The following TMEM223 variants were observed in gnomAD, a reference collection of about 807,000 sequenced individuals.
TMEM223 encodes transmembrane protein 223.
TMEM223 carries 14 observed loss-of-function variants against 14.1 expected under a neutral mutation model. The ratio of observed to expected loss-of-function variants is 0.99; its 90% CI spans 0.66 to 1.55. The LOEUF is 1.55. Among genes scored for constraint, TMEM223 ranks in the 40% most tolerant of loss-of-function variants. TMEM223 has a pLI of 0.00. For missense variants in TMEM223, 346 were observed against 269.9 expected (o/e 1.28, Z -1.97); for synonymous variants, 145 against 120.5 (o/e 1.20, Z -1.33).
At chr11:62,776,780 G>A (rs571448987) in intron 1 of TMEM223, among the ~76,000 whole-genome samples, 1 of 151,520 alleles carries the variant, frequency 6.6e-6, no homozygotes, top group African/African-American at 2.4e-5. Context: ...GAACCTAGCA[G>A]GCAGAGGTTG....
Position 62,790,103 on chromosome 11 carries a change from C to A in TMEM223, c.*520G>T. On this transcript the variant is annotated 3_prime_UTR_variant, in exon 2 of 2. Coordinates refer to ENST00000307366, the MANE Select transcript of TMEM223 (RefSeq NM_001080501.3). ...GACTCCATGCCCAAGTGCCTGTAAT[C>A]CCCCCCCTCAAGGCCCTGTTTATGT... is the stretch of plus-strand genomic sequence containing the variant. 2.1e-6 allele frequency: 3 copies of A among 1,454,990 alleles called. No individual in the cohort carries two copies. The highest frequency in any genetic ancestry group is 1.8e-6 in the Non-Finnish European group (2 of 1,090,540). 90.1% of individuals were successfully genotyped at this position (1,454,990 alleles called of 1,614,324 possible). A position where few individuals can be genotyped will look rare whatever the true frequency, so the allele number is the denominator to read the frequency against.
chr11:62,790,173 T>G lies in TMEM223; in HGVS notation c.*450A>C. ...TTCGTTGGGGGGTGGGGGGGAAACA[T>G]AATGACAGGCCCCCCTCCACCTCTT... On this transcript the variant is annotated 3_prime_UTR_variant, in exon 2 of 2. Coordinates refer to ENST00000307366, the MANE Select transcript of TMEM223 (RefSeq NM_001080501.3). The G allele has an allele frequency of 2.8e-6, 3 of 1,063,518 alleles. No individual in the cohort carries two copies. Among genetic ancestry groups the G allele is most frequent in the Non-Finnish European group, 2.6e-6 (2 of 765,840 alleles). 65.9% of individuals were successfully genotyped at this position (1,063,518 alleles called of 1,614,324 possible).
Position 62,790,654 on chromosome 11 carries a change from T to G in TMEM223, c.578A>C (p.Asp193Ala), listed in dbSNP as rs1027282009. Residue 193 changes from aspartate to alanine, a missense_variant, in exon 2 of 2, where the codon GAC (aspartate) becomes GCC (alanine). Asp to Ala is a moderately radical substitution (Grantham distance 126). Coordinates refer to ENST00000307366, the MANE Select transcript of TMEM223 (RefSeq NM_001080501.3). ...GCTCCGGTAGGCACCCACAGTATTG[T>G]CAAAGAGTTTTGTGTTAGGGAAGTG... ...TGHFPNTKLF[D>A]NTVGAYRSL The G allele has an allele frequency of 1.1e-5, 18 of 1,611,974 alleles. No homozygotes were observed. Among genetic ancestry groups the G allele is most frequent in the African/African-American group, 4.0e-5 (3 of 74,908 alleles).
At chr11:62,788,919 C>A, downstream of TMEM223, 2 of 1,262,434 alleles carry the variant, frequency 1.6e-6, no homozygotes, top group Middle Eastern at 2.0e-4. Context: ...CAAATAACTT[C>A]CTGGAATGCA....
At chr11:62,781,898 C>T (rs1359239221) in intron 1 of TMEM223, 2 of 1,614,098 alleles carry the variant, frequency 1.2e-6, no homozygotes, top group African/African-American at 1.3e-5. Flanking sequence ...TTTTAGGTTG[C>T]ACTCCAGGAC....
chr11:62,778,918 C>G (rs1176354817), intron 1 of TMEM223: 1 of 1,614,116 alleles, frequency 6.2e-7, no homozygotes, highest in Non-Finnish European at 8.5e-7. Context: ...AGTACTATCA[C>G]CAGGTGACTC....
At chr11:62,783,770 T>C (rs2084248345), downstream of TMEM223, among the ~76,000 whole-genome samples, 1 of 151,732 alleles carries the variant, frequency 6.6e-6, no homozygotes, top group Non-Finnish European at 1.5e-5. Context: ...TAGCCTCAAG[T>C]GGTCTGCCTG....
At chr11:62,779,074 G>A in intron 1 of TMEM223, 1 of 870,412 alleles carries the variant, frequency 1.1e-6, no homozygotes, top group Non-Finnish European at 1.8e-6. Flanking sequence ...AGGCTGGAGT[G>A]CAATGGCATG....
At chr11:62,787,303 G>A (rs1029419959), downstream of TMEM223, 3 of 1,534,016 alleles carry the variant, frequency 2.0e-6, no homozygotes, top group African/African-American at 1.4e-5. Context: ...CTGAGTCAGT[G>A]GCCCCTTCGT....
chr11:62,789,025 C>T (rs1331437310), downstream of TMEM223: 2 of 1,610,822 alleles, frequency 1.2e-6, no homozygotes, highest in Admixed American at 3.3e-5. Flanking sequence ...CTCCACAGGG[C>T]TCCTTCAGTG....
chr11:62,783,885 T>C (rs2084249307), downstream of TMEM223, among the ~76,000 whole-genome samples: 1 of 151,348 alleles, frequency 6.6e-6, no homozygotes, highest in African/African-American at 2.4e-5. Flanking sequence ...CTAGGTGTAT[T>C]AATGGATTCT....
At chr11:62,782,620 TTTGTG>T, downstream of TMEM223, 16 of 1,578,842 alleles carry the variant, frequency 1.0e-5, no homozygotes, top group Non-Finnish European at 1.3e-5. Flanking sequence ...TGCTATTCTC[TTTGTG>T]TTGTCTTGTG....
intron 1 of TMEM223, among the ~76,000 whole-genome samples, chr11:62,780,083 C>T (rs1306507974): frequency 6.7e-6 from 1 of 148,342 alleles, no homozygotes; most frequent in African/African-American, 2.5e-5. Flanking sequence ...CTTTGGGAGG[C>T]AGAGGTGGGC....
At chr11:62,789,939 C>T (rs149169067), downstream of TMEM223, 49 of 1,613,914 alleles carry the variant, frequency 3.0e-5, no homozygotes, top group Non-Finnish European at 3.8e-5. Context: ...TGCTCCAGGT[C>T]GTGCAGTGGA....
chr11:62,774,138 G>A (rs1314850508), intron 2 of TMEM223, among the ~76,000 whole-genome samples: 4 of 151,832 alleles, frequency 2.6e-5, no homozygotes, highest in South Asian at 2.1e-4. Flanking sequence ...GTGCAGTGGC[G>A]TGATCTCGGC....
In TMEM223 at chr11:62,790,182, G is replaced by GC. The variant is rs898501506; in HGVS notation, c.*440dup. On this transcript the variant is annotated 3_prime_UTR_variant, in exon 2 of 2. Transcript: ENST00000307366. ...GGGTGGGGGGGAAACATAATGACAG[G>GC]CCCCCCTCCACCTCTTCCTGCAGCT... The GC allele has an allele frequency of 8.3e-5, 81 of 979,578 alleles. No individual in the cohort carries two copies. The African/African-American group carries it at 1.2e-3, about 15-fold the overall frequency. The allele number at this position is 979,578 out of a possible 1,614,324, so 60.7% of individuals were successfully genotyped here.
chr11:62,784,133 G>A (rs1295104343), downstream of TMEM223, among the ~76,000 whole-genome samples: 3 of 145,214 alleles, frequency 2.1e-5, no homozygotes, highest in Non-Finnish European at 3.0e-5. Context: ...GGACTTACAG[G>A]CACGCACCAC....
At chr11:62,787,451 A>T (rs368131269), downstream of TMEM223, 1 of 1,569,320 alleles carries the variant, frequency 6.4e-7, no homozygotes, top group Non-Finnish European at 8.6e-7. Flanking sequence ...TCCTGGCTGC[A>T]GCGCGTCGAG....
intron 1 of TMEM223, among the ~76,000 whole-genome samples, chr11:62,781,449 A>G (rs560714511): frequency 4.9e-4 from 75 of 152,094 alleles, no homozygotes; most frequent in African/African-American, 1.5e-3. Context: ...TGAGGTGGGC[A>G]GATCACGAGG....
Sources: gnomAD v4.1 joint callset for allele counts (sites outside exome capture counted in the v4.1 genomes callset) on GRCh38, gnomAD v4.1.1 for gene constraint, MANE v1.5 for transcripts, NCBI Gene and HGNC (gene_info 2026-07-23, HGNC 2026-07-21) for gene names.